The following ANKRD12 variants were observed in gnomAD, a reference collection of about 807,000 sequenced individuals.
The protein encoded by ANKRD12 is ankyrin repeat domain-containing protein 12.
In ANKRD12, 85 loss-of-function variants were observed where a neutral mutation model predicts 183.4. The ratio of observed to expected loss-of-function variants is 0.46; its 90% CI spans 0.39 to 0.56. The LOEUF is 0.56. Among genes scored for constraint, ANKRD12 ranks in the 20% least tolerant of loss-of-function variants. ANKRD12 has a pLI of 0.00. For synonymous variants in ANKRD12, 914 were observed against 800.2 expected, an observed-to-expected ratio of 1.14 and a Z score of -2.40; for missense variants, 2,405 against 2,357.1, an observed-to-expected ratio of 1.02 and a Z score of -0.42.
chr18:9,281,694 G>A lies in ANKRD12; in HGVS notation c.*568G>A, dbSNP rs1462282347. 6.6e-6 allele frequency: 1 copy of A among 152,566 alleles called. No homozygotes were observed. The highest frequency in any genetic ancestry group is 1.5e-5 in the Non-Finnish European group (1 of 68,032). 9.5% of individuals were successfully genotyped at this position (152,566 alleles called of 1,614,324 possible). On this transcript the variant is annotated 3_prime_UTR_variant, in exon 13 of 13. Transcript: ENST00000262126. ...AAATCTTGTAATTAATGGTCAAACT[G>A]TATAAAGGGATTGGTAGTCAAAACA...
At chr18:9,167,671 A>G (rs2032227178) in intron 1 of ANKRD12, among the ~76,000 whole-genome samples, 1 of 152,166 alleles carries the variant, frequency 6.6e-6, no homozygotes, top group Non-Finnish European at 1.5e-5. Context: ...AAACAGGGAC[A>G]ATTTGACTTC....
chr18:9,157,585 GTA>G (rs1380048925), intron 1 of ANKRD12, among the ~76,000 whole-genome samples: 8 of 92,678 alleles, frequency 8.6e-5, no homozygotes, highest in Admixed American at 1.3e-4. Flanking sequence ...GTGTGTGTGT[GTA>G]TATATATATA....
chr18:9,195,744 A>T (rs770698045), intron 3 of ANKRD12, 46 bp downstream of exon 3: 10 of 1,578,984 alleles, frequency 6.3e-6, no homozygotes, highest in Non-Finnish European at 5.2e-6. Flanking sequence ...CCATTCTTTA[A>T]TTCTGATTTT....
At chr18:9,138,011 A>C (rs2143217625) in intron 1 of ANKRD12, 1 of 152,366 alleles carries the variant, frequency 6.6e-6, no homozygotes, top group South Asian at 2.1e-4. Flanking sequence ...TTTCCACTGG[A>C]CACCCGTGGT....
chr18:9,257,150 A>C lies in ANKRD12; in HGVS notation c.3883A>C (p.Lys1295Gln), dbSNP rs768217602. 1 of 1,614,164 alleles carries C rather than the reference A, an allele frequency of 6.2e-7. No homozygotes were observed. Among genetic ancestry groups the C allele is most frequent in the East Asian group, 2.2e-5 (1 of 44,890 alleles). The part of the protein sequence containing the change: ...HLRSSSVEDV[K>Q]LIISEGRPTI... ...TAGGTCATCTTCTGTAGAAGATGTT[A>C]AACTAATTATAAGCGAGGGGAGACC... The change falls in exon 9 of 13, where the codon AAA (lysine) becomes CAA (glutamine). Residue 1295 changes from lysine to glutamine, a missense_variant. Lys to Gln is a moderately conservative substitution (Grantham distance 53, BLOSUM62 1). Coordinates refer to ENST00000262126, the MANE Select transcript of ANKRD12 (RefSeq NM_015208.5).
intron 8 of ANKRD12, 82 bp from the exon 9 acceptor site, chr18:9,254,129 T>A: frequency 1.4e-6 from 2 of 1,417,176 alleles, no homozygotes; most frequent in Non-Finnish European, 1.8e-6. Context: ...ATAAGCTATA[T>A]CTTTTTCTCA....
intron 7 of ANKRD12, among the ~76,000 whole-genome samples, chr18:9,218,603 C>A (rs949829794): frequency 4.0e-5 from 6 of 151,818 alleles, no homozygotes; most frequent in Non-Finnish European, 7.4e-5. Flanking sequence ...ACATAGCTTA[C>A]TAAGAACCTA....
intron 10 of ANKRD12, among the ~76,000 whole-genome samples, chr18:9,270,837 C>T (rs2039564232): frequency 6.6e-6 from 1 of 152,180 alleles, no homozygotes; most frequent in Admixed American, 6.5e-5. Context: ...ACATCTTACT[C>T]GTATTTGACC....
chr18:9,157,946 G>A (rs1313156635), intron 1 of ANKRD12, among the ~76,000 whole-genome samples: 3 of 152,112 alleles, frequency 2.0e-5, no homozygotes, highest in Non-Finnish European at 2.9e-5. Context: ...ACTGAGATGG[G>A]ATATAGACGT....
At chr18:9,192,562 C>T (rs1233347633) in intron 2 of ANKRD12, among the ~76,000 whole-genome samples, 2 of 152,104 alleles carry the variant, frequency 1.3e-5, no homozygotes, top group Non-Finnish European at 1.5e-5. Flanking sequence ...AACTTCTAAT[C>T]TTTCTGTGCT....
chr18:9,254,665 C>T lies in ANKRD12; in HGVS notation c.1398C>T (p.His466=). ...AGGAATATGTAGTTTCAGGTGAACA[C>T]AAACAGAAAGGCAAAGTTAAAAGAA... is the stretch of plus-strand genomic sequence containing the variant. ...TKKEYVVSGE[H]KQKGKVKRKL... is the part of the protein sequence containing the mutation. The change falls in exon 9 of 13, where the codon CAC becomes CAT. Residue 466 remains histidine (H), a synonymous_variant. Transcript: ENST00000262126. The T allele has an allele frequency of 6.5e-7, 1 of 1,532,176 alleles. No individual in the cohort carries two copies. The highest frequency in any genetic ancestry group is 8.8e-7 in the Non-Finnish European group (1 of 1,140,670). The allele number at this position is 1,532,176 out of a possible 1,614,324, so 94.9% of individuals were successfully genotyped here.
rs775877613 is a variant in ANKRD12, at chr18:9,262,786, C to CTTTTT, written c.5665-1004_5665-1003insTTTTT. On this transcript the variant is annotated intron_variant, in intron 9 of 12. Coordinates refer to ENST00000262126, the MANE Select transcript of ANKRD12 (RefSeq NM_015208.5). ...AGCCACCATGCCCAGCCAAGATGTC[C>CTTTTT]CTTTTTTTTTTTTTTTTTTTTTTTT... Among the ~76,000 whole-genome samples the CTTTTT allele has an allele frequency of 5.5e-3, 486 of 87,894 alleles. 137 individuals are homozygous for CTTTTT. Among genetic ancestry groups the CTTTTT allele is most frequent in the Middle Eastern group, 0.014 (2 of 140 alleles). 57.7% of individuals were successfully genotyped at this position (87,894 alleles called of 152,430 possible).
chr18:9,245,775 G>A (rs929526201), intron 8 of ANKRD12, among the ~76,000 whole-genome samples: 4 of 152,042 alleles, frequency 2.6e-5, no homozygotes, highest in Non-Finnish European at 4.4e-5. Flanking sequence ...TTTGTGGCAG[G>A]GTTGTTTTGT....
intron 8 of ANKRD12, among the ~76,000 whole-genome samples, chr18:9,238,983 A>T (rs113916606): frequency 3.9e-5 from 6 of 152,278 alleles, no homozygotes; most frequent in African/African-American, 1.4e-4. Flanking sequence ...TTAGCAGGGC[A>T]TGGTGGCACG....
chr18:9,169,856 G>T (rs1202129634), intron 1 of ANKRD12, among the ~76,000 whole-genome samples: 1 of 151,938 alleles, frequency 6.6e-6, no homozygotes, highest in Non-Finnish European at 1.5e-5. Flanking sequence ...GGTACCAGTT[G>T]TTCCTTTCCA....
At chr18:9,169,419 A>C (rs1359140665) in intron 1 of ANKRD12, among the ~76,000 whole-genome samples, 1 of 152,188 alleles carries the variant, frequency 6.6e-6, no homozygotes, top group Non-Finnish European at 1.5e-5. Context: ...ATATATATTT[A>C]GGATAGTTAT....
rs58963626 is a variant in ANKRD12 at position 9,152,695 on chromosome 18, A to G, written c.-52+15730A>G. ...TTCTGCCTTCTGTCACATAGATTGA[A>G]TGTTCATTTGTTTTCAAAGGCATCC... is the stretch of plus-strand genomic sequence containing the variant. On this transcript the variant is annotated intron_variant, in intron 1 of 12. Transcript: ENST00000262126. Among the ~76,000 whole-genome samples the G allele has an allele frequency of 4.0e-3, 609 of 152,140 alleles. 3 individuals are homozygous for G. Among genetic ancestry groups the G allele is most frequent in the African/African-American group, 0.014 (575 of 41,522 alleles).
chr18:9,179,958 G>T (rs1159596947), intron 1 of ANKRD12, among the ~76,000 whole-genome samples: 2 of 152,232 alleles, frequency 1.3e-5, no homozygotes, highest in African/African-American at 4.8e-5. Context: ...TTGTTGAGCA[G>T]ATATTTCTGT....
Position 9,255,022 on chromosome 18 carries a change from T to C in ANKRD12, c.1755T>C (p.Asn585=). 6.2e-7 allele frequency: 1 copy of C among 1,601,068 alleles called. No homozygotes were observed. Among genetic ancestry groups the C allele is most frequent in the Non-Finnish European group, 8.5e-7 (1 of 1,176,004 alleles). ...SLQPDLVRYD[N]TESEFLPESS... ...AGCCTGATCTTGTTCGGTATGATAA[T>C]ACAGAATCTGAATTCTTGCCAGAAA... The change falls in exon 9 of 13, where the codon AAT becomes AAC. Residue 585 remains asparagine, a synonymous_variant. Transcript: ENST00000262126.
Sources: allele counts gnomAD v4.1 joint callset (sites outside exome capture counted in the v4.1 genomes callset), GRCh38; gene constraint gnomAD v4.1.1; transcripts MANE v1.5; gene names NCBI Gene and HGNC (gene_info 2026-07-23, HGNC 2026-07-21).